MRS2: variants seen among roughly 807,000 people sequenced by gnomAD.
MRS2 encodes magnesium transporter MRS2 homolog, mitochondrial.
A neutral mutation model predicts 52.6 loss-of-function variants in MRS2; 40 were observed. The ratio of observed to expected loss-of-function variants is 0.76; its 90% CI spans 0.59 to 0.99. MRS2 has a LOEUF of 0.99. Ranked by LOEUF, MRS2 falls within the 50% of genes least tolerant of loss-of-function variation. The pLI is 0.00. For synonymous variants in MRS2, 193 were observed against 195.9 expected (o/e 0.98, Z 0.13); for missense variants, 472 against 532.7 (o/e 0.89, Z 1.12).
At position 24,420,606 on chromosome 6, in the gene MRS2, C is replaced by A. The variant is rs151277695; in HGVS notation, c.1107+2028C>A. ...ATAAACAAACAAAGTATGTTAAGTG[C>A]TAAGTGCCTCAGAGAAAAATAAAGC... On this transcript the variant is annotated intron_variant, in intron 9 of 10. Transcript: ENST00000378386. Among the ~76,000 whole-genome samples, 103 of 152,154 alleles carry A rather than the reference C, an allele frequency of 6.8e-4. 1 individual carries two copies. The highest frequency in any genetic ancestry group is 2.4e-3 in the African/African-American group (101 of 41,516).
intron 6 of MRS2, 116 bp downstream of exon 6, chr6:24,415,279 G>A: frequency 9.8e-7 from 1 of 1,016,018 alleles, no homozygotes; most frequent in Non-Finnish European, 1.4e-6. Context: ...GTGGGAAGTT[G>A]AGCTAAAAGG....
At chr6:24,417,047 AAATT>A (rs1189196898) in intron 7 of MRS2, among the ~76,000 whole-genome samples, 1 of 152,256 alleles carries the variant, frequency 6.6e-6, no homozygotes, top group African/African-American at 2.4e-5. Context: ...GCAGTATCAG[AAATT>A]AATACACCTT....
chr6:24,422,316 ATTAAAT>A lies in MRS2; in HGVS notation c.1108-613_1108-608del, dbSNP rs370837643. Among the ~76,000 whole-genome samples, 864 of 152,300 alleles carry A rather than the reference ATTAAAT, an allele frequency of 5.7e-3. 4 individuals carry two copies. The highest frequency in any genetic ancestry group is 0.02 in the African/African-American group (819 of 41,560). On this transcript the variant is annotated intron_variant, in intron 9 of 10. Coordinates refer to ENST00000378386, the MANE Select transcript of MRS2 (RefSeq NM_020662.4). The stretch of plus-strand genomic sequence containing the variant: ...AAATGGGATTCCTTCCTTGTGAGAG[ATTAAAT>A]TTAAATTCTGTGATTCTGTACATTA...
chr6:24,406,924 A>G (rs376598567), intron 2 of MRS2, among the ~76,000 whole-genome samples: 14 of 152,216 alleles, frequency 9.2e-5, no homozygotes, highest in African/African-American at 3.4e-4. Context: ...TTAGAAAGTG[A>G]GCTGGTTACA....
chr6:24,419,824 C>G (rs557585451), intron 9 of MRS2, among the ~76,000 whole-genome samples: 2 of 152,172 alleles, frequency 1.3e-5, no homozygotes, highest in South Asian at 2.1e-4. Context: ...TGACCCAGTA[C>G]AGTCAACCTT....
chr6:24,403,196 A>G lies in MRS2; in HGVS notation c.150A>G (p.Arg50=), dbSNP rs2127278409. 6.2e-7 allele frequency: 1 copy of G among 1,603,976 alleles called. No homozygotes were observed. The highest frequency in any genetic ancestry group is 8.5e-7 in the Non-Finnish European group (1 of 1,179,574). Residue 50 remains arginine (R), a synonymous_variant, in exon 1 of 11, where the codon CGA becomes CGG. Transcript: ENST00000378386. Reference sequence around the variant, plus strand: ...GAGCCAACCTGATTGGAAGGAGCCGAGCGGCGCAGCTTTGCGGGCCCGACC... The same window carrying G: ...GAGCCAACCTGATTGGAAGGAGCCGGGCGGCGCAGCTTTGCGGGCCCGACC... The part of the protein sequence containing the change: ...GRRANLIGRS[R]AAQLCGPDRL...
intron 5 of MRS2, 120 bp downstream of exon 5, chr6:24,412,515 C>A: frequency 3.0e-6 from 2 of 664,996 alleles, no homozygotes; most frequent in Non-Finnish European, 4.8e-6. Flanking sequence ...TGCCCCGAAA[C>A]AAGTCGTCTC....
chr6:24,408,195 G>A (rs575797757), intron 2 of MRS2, among the ~76,000 whole-genome samples: 2 of 152,076 alleles, frequency 1.3e-5, no homozygotes, highest in African/African-American at 4.8e-5. Flanking sequence ...ACCCAGGTCT[G>A]ATTTTTCCTA....
At position 24,424,228 on chromosome 6, in the gene MRS2, T is replaced by TA. The variant is rs397967057; in HGVS notation, c.*535dup. 8.6e-5 allele frequency: 13 copies of TA among 151,418 alleles called. No homozygotes were observed. The highest frequency in any genetic ancestry group is 2.9e-4 in the African/African-American group (12 of 41,222). 9.4% of individuals were successfully genotyped at this position (151,418 alleles called of 1,614,324 possible). The stretch of plus-strand genomic sequence containing the variant: ...TTTCTTGTATTTGCCCCCTTTTTTT[T>TA]ATAAAAGGTGAATAAAAAGAAATAA... On this transcript the variant is annotated 3_prime_UTR_variant, in exon 11 of 11. Transcript: ENST00000378386.
Position 24,423,727 on chromosome 6 carries a change from T to C in MRS2, c.*33T>C, listed in dbSNP as rs756228266. The C allele has an allele frequency of 3.6e-6, 4 of 1,116,876 alleles. No individual in the cohort carries two copies. The African/African-American group carries it at 6.3e-5, about 17-fold the overall frequency. 69.2% of individuals were successfully genotyped at this position (1,116,876 alleles called of 1,614,324 possible). ...CCCGTGGATACTGAAGTTTTTTTTATGGTAGTTACAGGAAACTTCTGATAC... is the reference window on the plus strand; with the variant it reads ...CCCGTGGATACTGAAGTTTTTTTTACGGTAGTTACAGGAAACTTCTGATAC... On this transcript the variant is annotated 3_prime_UTR_variant, in exon 11 of 11. Coordinates refer to ENST00000378386, the MANE Select transcript of MRS2 (RefSeq NM_020662.4).
In MRS2 at chr6:24,424,149, T is replaced by A. The variant is rs77152962; in HGVS notation, c.*455T>A. On this transcript the variant is annotated 3_prime_UTR_variant, in exon 11 of 11. Coordinates refer to ENST00000378386, the MANE Select transcript of MRS2 (RefSeq NM_020662.4). Reference sequence around the variant, plus strand: ...AAGCTAGCATTCTATGTATTAACCTTACAACAGACTCTGTAAGTTTGAGCT... The same window carrying A: ...AAGCTAGCATTCTATGTATTAACCTAACAACAGACTCTGTAAGTTTGAGCT... 18,699 of 151,520 alleles carry A rather than the reference T, an allele frequency of 0.12. 1,505 individuals carry two copies. Among genetic ancestry groups the A allele is most frequent in the East Asian group, 0.16 (811 of 5,174 alleles). 9.4% of individuals were successfully genotyped at this position (151,520 alleles called of 1,614,324 possible).
chr6:24,404,372 T>C (rs192378358), intron 1 of MRS2, among the ~76,000 whole-genome samples: 3 of 152,348 alleles, frequency 2.0e-5, no homozygotes, highest in Non-Finnish European at 4.4e-5. Flanking sequence ...ACCCTTATAG[T>C]GATAATTTGT....
intron 7 of MRS2, among the ~76,000 whole-genome samples, chr6:24,417,431 G>C (rs1054659659): frequency 2.6e-5 from 4 of 152,230 alleles, no homozygotes; most frequent in African/African-American, 7.2e-5. Context: ...TGTTTTACCT[G>C]ATAGTGGTAT....
intron 9 of MRS2, among the ~76,000 whole-genome samples, chr6:24,422,561 G>A (rs566296094): frequency 8.2e-4 from 124 of 151,860 alleles, no homozygotes; most frequent in Admixed American, 1.7e-3. Flanking sequence ...AGGTGCTATC[G>A]TGCCCAGCAT....
In MRS2 at chr6:24,426,174, G is replaced by C. The variant is rs1312275507; in HGVS notation, c.*2480G>C. The C allele has an allele frequency of 6.6e-6, 1 of 152,126 alleles. No individual in the cohort carries two copies. Among genetic ancestry groups the C allele is most frequent in the African/African-American group, 2.4e-5 (1 of 41,430 alleles). The allele number at this position is 152,126 out of a possible 1,614,324, so 9.4% of individuals were successfully genotyped here. A position where few individuals can be genotyped will look rare whatever the true frequency, so the allele number is the denominator to read the frequency against. On this transcript the variant is annotated 3_prime_UTR_variant, in exon 11 of 11. Coordinates refer to ENST00000378386, the MANE Select transcript of MRS2 (RefSeq NM_020662.4). ...ATGTCTTCTGATATCTTGAAATAAAGATAAATTTCAGTTAAACTTGTATAA... is the reference window on the plus strand; with the variant it reads ...ATGTCTTCTGATATCTTGAAATAAACATAAATTTCAGTTAAACTTGTATAA...
chr6:24,409,107 A>G (rs992793381), intron 3 of MRS2, among the ~76,000 whole-genome samples: 2 of 152,254 alleles, frequency 1.3e-5, no homozygotes, highest in Non-Finnish European at 2.9e-5. Context: ...ATGATGTTGT[A>G]GTAAAAATAG....
At chr6:24,417,899 G>A (rs1157930524) in intron 7 of MRS2, among the ~76,000 whole-genome samples, 185 bp from the exon 8 acceptor site, 1 of 150,580 alleles carries the variant, frequency 6.6e-6, no homozygotes, top group Non-Finnish European at 1.5e-5. Context: ...CCGAGATCGC[G>A]CCACTACACT....
In MRS2 at chr6:24,402,980, C is replaced by A. The variant is rs1452750201; in HGVS notation, c.-67C>A. ...CGGTAGCGACAGGTCAGAGCTGCGGCCTGAGCAGCCAGCGTCCGGCATGAA... is the reference window on the plus strand; with the variant it reads ...CGGTAGCGACAGGTCAGAGCTGCGGACTGAGCAGCCAGCGTCCGGCATGAA... On this transcript the variant is annotated 5_prime_UTR_variant, in exon 1 of 11. Transcript: ENST00000378386. The A allele has an allele frequency of 6.9e-7, 1 of 1,446,026 alleles. No homozygotes were observed. Among genetic ancestry groups the A allele is most frequent in the Non-Finnish European group, 9.3e-7 (1 of 1,080,760 alleles). 89.6% of individuals were successfully genotyped at this position (1,446,026 alleles called of 1,614,324 possible).
At chr6:24,416,537 T>A in intron 7 of MRS2, 24 bp downstream of exon 7, 1 of 1,151,526 alleles carries the variant, frequency 8.7e-7, no homozygotes. Flanking sequence ...TATACTTTGT[T>A]ATTTATTTCC....
Sources: allele counts gnomAD v4.1 joint callset (sites outside exome capture counted in the v4.1 genomes callset), GRCh38; gene constraint gnomAD v4.1.1; transcripts MANE v1.5; gene names NCBI Gene and HGNC (gene_info 2026-07-23, HGNC 2026-07-21).